Variants in RAP1GAP observed in about 807,000 individuals in gnomAD.
The protein encoded by RAP1GAP is RAP1 GTPase activating protein, also known as rap1 GTPase-activating protein 1.
RAP1GAP carries 35 observed loss-of-function variants against 87.2 expected under a neutral mutation model. That is an observed-to-expected ratio of 0.40 (90% confidence interval 0.31 to 0.53). The LOEUF (loss-of-function observed/expected upper bound fraction) is 0.53. Among genes scored for constraint, RAP1GAP ranks in the 20% least tolerant of loss-of-function variants. The probability of loss-of-function intolerance (pLI) is 0.48; values close to 1 mark genes in which losing one functional copy is unlikely to be tolerated. For synonymous variants in RAP1GAP, 375 were observed against 363.9 expected (o/e 1.03, Z -0.35); for missense variants, 734 against 898.9 (o/e 0.82, Z 2.35).
At chr1:21,618,567 T>C (rs999099518) in intron 5 of RAP1GAP, among the ~76,000 whole-genome samples, 10 of 151,772 alleles carry the variant, frequency 6.6e-5, no homozygotes, top group African/African-American at 2.2e-4. Flanking sequence ...CCTGCCTCCC[T>C]ATCACTCCCT....
Position 21,598,075 on chromosome 1 carries a change from G to A in RAP1GAP, c.1880-11C>T, listed in dbSNP as rs1646235658. ...GTGATCGAGAGGGGCCTGGGGAGGGGGGCAGGAGGGAGCCACCTCACTGGC... is the reference window on the plus strand; with the variant it reads ...GTGATCGAGAGGGGCCTGGGGAGGGAGGCAGGAGGGAGCCACCTCACTGGC... On this transcript the variant is annotated splice_polypyrimidine_tract_variant and intron_variant, in intron 22 of 24. Coordinates refer to ENST00000374765, the MANE Select transcript of RAP1GAP (RefSeq NM_002885.4). 2.0e-6 allele frequency: 3 copies of A among 1,493,850 alleles called. No individual in the cohort carries two copies. Among genetic ancestry groups the A allele is most frequent in the Non-Finnish European group, 2.7e-6 (3 of 1,106,956 alleles). The allele number at this position is 1,493,850 out of a possible 1,614,324, so 92.5% of individuals were successfully genotyped here.
chr1:21,665,997 G>T lies in RAP1GAP; in HGVS notation c.-149+3257C>A, dbSNP rs535592153. Among the ~76,000 whole-genome samples the T allele has an allele frequency of 5.8e-4, 89 of 152,358 alleles. 1 individual carries two copies. The highest frequency in any genetic ancestry group is 2.1e-3 in the African/African-American group (86 of 41,582). ...AGCTGCCTCCCAGAGCTGGAGCTGG[G>T]CCCAGAGAGGGAAAATGACTTGTCC... On this transcript the variant is annotated intron_variant, in intron 1 of 24. Transcript: ENST00000374765.
intron 2 of RAP1GAP, among the ~76,000 whole-genome samples, chr1:21,647,415 G>A (rs2151791638): frequency 6.6e-6 from 1 of 152,236 alleles, no homozygotes; most frequent in Non-Finnish European, 1.5e-5. Flanking sequence ...AGTGAGCCGA[G>A]ACTGCACAAC....
At chr1:21,648,217 A>C (rs1035882244) in intron 2 of RAP1GAP, among the ~76,000 whole-genome samples, 1 of 151,994 alleles carries the variant, frequency 6.6e-6, no homozygotes, top group Non-Finnish European at 1.5e-5. Context: ...AGGGGATGGG[A>C]CTCGCCCAAA....
At chr1:21,628,332 C>G (rs1376209892) in intron 2 of RAP1GAP, among the ~76,000 whole-genome samples, 1 of 142,950 alleles carries the variant, frequency 7.0e-6, no homozygotes, top group Non-Finnish European at 1.5e-5. Context: ...GCGGGCAGAT[C>G]ACCTGAGGTC....
chr1:21,653,096 T>A (rs2096687203), intron 1 of RAP1GAP: 1 of 152,070 alleles, frequency 6.6e-6, no homozygotes, highest in African/African-American at 2.4e-5. Flanking sequence ...CCCTGGGAAA[T>A]GACGAGTCTG....
In RAP1GAP at chr1:21,656,417, TAAA is replaced by T. The variant is rs71661339; in HGVS notation, c.-148-6624_-148-6622del. On this transcript the variant is annotated intron_variant, in intron 1 of 24. Transcript: ENST00000374765. ...CTGGGTGACATAGCAAGACTCCATC[TAAA>T]AAAAAAAAAAAAAAAAAAAAAAAAA... is the stretch of plus-strand genomic sequence containing the variant. Among the ~76,000 whole-genome samples, 411 of 96,180 alleles carry T rather than the reference TAAA, an allele frequency of 4.3e-3. 4 individuals are homozygous for T. The highest frequency in any genetic ancestry group is 0.013 in the East Asian group (49 of 3,834). The allele number at this position is 96,180 out of a possible 152,430, so 63.1% of individuals were successfully genotyped here.
At chr1:21,619,706 C>T (rs2085377011) in intron 4 of RAP1GAP, among the ~76,000 whole-genome samples, 3 of 152,018 alleles carry the variant, frequency 2.0e-5, no homozygotes, top group Admixed American at 2.0e-4. Flanking sequence ...ACAAAGCCTG[C>T]GGTGTCTCTC....
intron 2 of RAP1GAP, among the ~76,000 whole-genome samples, chr1:21,640,037 T>G (rs1452386727): frequency 6.6e-6 from 1 of 152,116 alleles, no homozygotes; most frequent in African/African-American, 2.4e-5. Flanking sequence ...GCCCTGCGTG[T>G]CTGCTCCCCA....
intron 1 of RAP1GAP, among the ~76,000 whole-genome samples, chr1:21,656,678 G>T (rs528395143): frequency 6.6e-6 from 1 of 152,280 alleles, no homozygotes; most frequent in South Asian, 2.1e-4. Flanking sequence ...GGCCAGTGAG[G>T]TTACTGAGCC....
chr1:21,645,480 AAAAAAT>A (rs551551105), intron 2 of RAP1GAP, among the ~76,000 whole-genome samples: 13 of 152,278 alleles, frequency 8.5e-5, no homozygotes, highest in African/African-American at 1.7e-4. Context: ...ACCCTGTCTC[AAAAAAT>A]AAAAATAAAA....
At chr1:21,636,085 G>C (rs1402172046) in intron 2 of RAP1GAP, among the ~76,000 whole-genome samples, 1 of 152,210 alleles carries the variant, frequency 6.6e-6, no homozygotes, top group Non-Finnish European at 1.5e-5. Flanking sequence ...CAGGGTTGTT[G>C]TGTGGAATAA....
rs2071623133 is a variant in RAP1GAP at position 21,603,994 on chromosome 1, A to G, written c.1429-1081T>C. On this transcript the variant is annotated intron_variant, in intron 18 of 24. Transcript: ENST00000374765. This position sits in a 1 kb window ranked among gnomAD's most constrained non-coding sequence, Gnocchi z 6.0. ...GCAAGAGAGATGGTGGGAGGGAGAC[A>G]CAGAGAGGAGGAGAGGCAGGGAAAG... The G allele has an allele frequency of 9.0e-6, 10 of 1,115,028 alleles. No homozygotes were observed. The South Asian group carries it at 1.3e-4, about 14-fold the overall frequency. 69.1% of individuals were successfully genotyped at this position (1,115,028 alleles called of 1,614,324 possible).
chr1:21,608,079 C>T (rs1205729092), intron 17 of RAP1GAP, 134 bp downstream of exon 17: 2 of 1,345,970 alleles, frequency 1.5e-6, no homozygotes, highest in Non-Finnish European at 2.0e-6. Flanking sequence ...CAGTCCGGGA[C>T]TCCACCCCCT....
At chr1:21,653,642 C>T (rs3102155) in intron 1 of RAP1GAP, among the ~76,000 whole-genome samples, 2 of 147,516 alleles carry the variant, frequency 1.4e-5, no homozygotes, top group East Asian at 4.4e-4. Context: ...CAACCTTCCT[C>T]CCTCCCTTCC....
intron 2 of RAP1GAP, among the ~76,000 whole-genome samples, chr1:21,638,610 G>C (rs1371762083): frequency 6.6e-6 from 1 of 152,148 alleles, no homozygotes; most frequent in Non-Finnish European, 1.5e-5. Context: ...AAAACAAAAA[G>C]AAAGTTTACA....
chr1:21,633,524 C>T (rs145828656), intron 2 of RAP1GAP, among the ~76,000 whole-genome samples: 5 of 152,162 alleles, frequency 3.3e-5, no homozygotes, highest in East Asian at 1.9e-4. Flanking sequence ...AGGCTGGGAC[C>T]GGGAGCAGGG....
At chr1:21,601,521 G>A (rs1447241924) in intron 20 of RAP1GAP, among the ~76,000 whole-genome samples, 163 bp downstream of exon 20, 12 of 152,222 alleles carry the variant, frequency 7.9e-5, no homozygotes, top group Admixed American at 5.9e-4. Flanking sequence ...CAAAGTGCTC[G>A]CTGGGTATAT....
At chr1:21,601,921 G>A in intron 19 of RAP1GAP, 124 bp from the exon 20 acceptor site, 1 of 628,922 alleles carries the variant, frequency 1.6e-6, no homozygotes, top group Non-Finnish European at 2.7e-6. Flanking sequence ...CCTATACTCA[G>A]GGCCAGCCCT....
Sources: allele counts gnomAD v4.1 joint callset (sites outside exome capture counted in the v4.1 genomes callset), GRCh38; gene constraint gnomAD v4.1.1; non-coding constraint Gnocchi (gnomAD v3.1); transcripts MANE v1.5; gene names NCBI Gene and HGNC (gene_info 2026-07-23, HGNC 2026-07-21).